FAM228A: variants seen among roughly 807,000 people sequenced by gnomAD.
The protein encoded by FAM228A is family with sequence similarity 228 member A, also known as protein FAM228A.
FAM228A carries 13 observed loss-of-function variants against 18.6 expected under a neutral mutation model. The ratio of observed to expected loss-of-function variants is 0.70; its 90% CI spans 0.45 to 1.11. The LOEUF (loss-of-function observed/expected upper bound fraction) is 1.11. Ranked by LOEUF, FAM228A falls within the 50% of genes least tolerant of loss-of-function variation. FAM228A has a pLI of 0.00. For synonymous variants in FAM228A, 77 were observed against 86.6 expected, an observed-to-expected ratio of 0.89 and a Z score of 0.61; for missense variants, 240 against 242.2, an observed-to-expected ratio of 0.99 and a Z score of 0.06.
chr2:24,186,342 T>A (rs191246535), intron 5 of FAM228A, among the ~76,000 whole-genome samples: 1 of 152,330 alleles, frequency 6.6e-6, no homozygotes, highest in African/African-American at 2.4e-5. Context: ...TTTCTTGTTT[T>A]CCATTCCTTA....
chr2:24,184,935 G>T (rs1374832566), intron 5 of FAM228A, among the ~76,000 whole-genome samples: 2 of 150,700 alleles, frequency 1.3e-5, no homozygotes, highest in African/African-American at 4.9e-5. Flanking sequence ...TGATTCTCCT[G>T]CCTCAGCCTC....
At chr2:24,177,563 T>TG (rs199984527) in intron 2 of FAM228A, among the ~76,000 whole-genome samples, 1,663 of 151,754 alleles carry the variant, frequency 0.011, 28 homozygotes, top group African/African-American at 0.038. Context: ...ATAGTCTGGG[T>TG]GGGGGGGTGC....
intron 3 of FAM228A, chr2:24,179,073 T>C (rs1310743444): frequency 2.3e-6 from 2 of 861,250 alleles, no homozygotes; most frequent in Non-Finnish European, 2.9e-6. Context: ...GAAACATTTC[T>C]TTATAATTTA....
Position 24,177,875 on chromosome 2 carries a change from G to A in FAM228A, c.162+5G>A, listed in dbSNP as rs115212978. 34,643 of 1,593,388 alleles carry A rather than the reference G, an allele frequency of 0.022. 460 individuals carry two copies. Among genetic ancestry groups the A allele is most frequent in the Non-Finnish European group, 0.026 (30,298 of 1,163,462 alleles). ...AAAGAAAATTCCATTGTGAAGGTAA[G>A]AGTTGGCTCCACGCTGCATTCTACA... On this transcript the variant is annotated splice_donor_5th_base_variant and intron_variant, in intron 3 of 5. Coordinates refer to ENST00000295150, the MANE Select transcript of FAM228A (RefSeq NM_001040710.3).
At chr2:24,190,300 G>C in intron 5 of FAM228A, 112 bp from the exon 6 acceptor site, 7 of 1,308,122 alleles carry the variant, frequency 5.4e-6, no homozygotes, top group Non-Finnish European at 7.2e-6. Context: ...CTGGTCAGTC[G>C]TTCCTTCTCA....
intron 2 of FAM228A, chr2:24,176,181 A>T: frequency 1.0e-6 from 1 of 984,622 alleles, no homozygotes; most frequent in African/African-American, 1.7e-5. Flanking sequence ...AATGTACATA[A>T]CATTTGTTAA....
At chr2:24,186,310 T>C (rs1044154144) in intron 5 of FAM228A, among the ~76,000 whole-genome samples, 2 of 152,204 alleles carry the variant, frequency 1.3e-5, no homozygotes, top group Non-Finnish European at 2.9e-5. Context: ...CACAATATTA[T>C]CTTCTAATAA....
At chr2:24,182,813 A>G (rs551018761) in intron 3 of FAM228A, among the ~76,000 whole-genome samples, 5 of 152,226 alleles carry the variant, frequency 3.3e-5, no homozygotes, top group Admixed American at 6.5e-5. Flanking sequence ...GGCTGATGCA[A>G]TGACACAGTA....
intron 5 of FAM228A, among the ~76,000 whole-genome samples, chr2:24,187,962 T>G (rs1044997856): frequency 7.9e-5 from 12 of 152,310 alleles, no homozygotes; most frequent in African/African-American, 2.2e-4. Flanking sequence ...TTCATGGGTC[T>G]TCTTGAATCT....
intron 1 of FAM228A, 87 bp from the exon 2 acceptor site, chr2:24,175,380 C>A: frequency 1.1e-6 from 1 of 941,258 alleles, no homozygotes; most frequent in Non-Finnish European, 1.7e-6. Context: ...AGGGGCCGAG[C>A]GGGATTTGAA....
chr2:24,191,533 ATG>A lies in FAM228A; in HGVS notation c.*904_*905del. ...TCCATGTATTTTTCAAATATTCAAG[ATG>A]TACAACGTGATGATTTGCTATAGGT... On this transcript the variant is annotated 3_prime_UTR_variant, in exon 6 of 6. Coordinates refer to ENST00000295150, the MANE Select transcript of FAM228A (RefSeq NM_001040710.3). 1.0e-6 allele frequency: 1 copy of A among 972,132 alleles called. No homozygotes were observed. Among genetic ancestry groups the A allele is most frequent in the African/African-American group, 1.7e-5 (1 of 57,156 alleles). The allele number at this position is 972,132 out of a possible 1,614,324, so 60.2% of individuals were successfully genotyped here.
Position 24,179,206 on chromosome 2 carries a change from TCAG to T in FAM228A, c.162+1340_162+1342del, listed in dbSNP as rs751778706. The T allele has an allele frequency of 1.4e-3, 1,477 of 1,086,820 alleles. 2 individuals are homozygous for T. Among genetic ancestry groups the T allele is most frequent in the South Asian group, 1.6e-3 (94 of 57,412 alleles). The allele number at this position is 1,086,820 out of a possible 1,614,324, so 67.3% of individuals were successfully genotyped here. On this transcript the variant is annotated intron_variant, in intron 3 of 5. Transcript: ENST00000295150. ...GGGTTGAAAATGTTGCAGAGCCTCT[TCAG>T]CAGAGAATTATGGAAAAAGTAATTT...
At chr2:24,179,192 G>T (rs1216256430) in intron 3 of FAM228A, 2 of 1,145,136 alleles carry the variant, frequency 1.7e-6, no homozygotes, top group African/African-American at 3.3e-5. Context: ...GGTTGAAAAT[G>T]TTGCAGAGCC....
intron 3 of FAM228A, among the ~76,000 whole-genome samples, chr2:24,183,083 G>A (rs1667852913): frequency 6.6e-6 from 1 of 152,032 alleles, no homozygotes; most frequent in South Asian, 2.1e-4. Context: ...AGGTTGGGGT[G>A]CTGAGGTTGG....
At chr2:24,184,099 GC>G (rs1423425543) in intron 5 of FAM228A, among the ~76,000 whole-genome samples, 2 of 152,234 alleles carry the variant, frequency 1.3e-5, no homozygotes, top group Non-Finnish European at 2.9e-5. Flanking sequence ...TAGTTTACAG[GC>G]CGGGCACGGT....
Position 24,190,605 on chromosome 2 carries a change from G to A in FAM228A, c.595G>A (p.Glu199Lys), listed in dbSNP as rs548486197. The A allele has an allele frequency of 1.5e-5, 24 of 1,588,816 alleles. No homozygotes were observed. The highest frequency in any genetic ancestry group is 8.1e-5 in the South Asian group (7 of 86,872). Residue 199 changes from glutamate to lysine, a missense_variant, in exon 6 of 6, where the codon GAG becomes AAG. Physicochemically the swap from Glu to Lys is moderately conservative, Grantham distance 56. Transcript: ENST00000295150. ...GWHAGLCSTH[E>K]QHILVPE ...GCATGCAGGGCTTTGCAGCACCCAC[G>A]AGCAGCACATACTGGTTCCAGAATG...
chr2:24,175,870 C>T (rs991938837), intron 2 of FAM228A: 11 of 1,124,548 alleles, frequency 9.8e-6, no homozygotes, highest in Non-Finnish European at 9.9e-6. Context: ...CTGCATACTT[C>T]AGCGTCTGGT....
intron 3 of FAM228A, among the ~76,000 whole-genome samples, chr2:24,182,715 C>A (rs1056491469): frequency 2.6e-5 from 4 of 152,138 alleles, no homozygotes; most frequent in Non-Finnish European, 5.9e-5. Context: ...TGGATTGTCA[C>A]TGGATGACTA....
In FAM228A at chr2:24,191,609, A is replaced by G; in HGVS notation, c.*978A>G. Reference sequence around the variant, plus strand: ...AGTCAAGCTTGTTGACATACCCACCAGCTCACATTTACTGTTTTCGTGTGT... The same window carrying G: ...AGTCAAGCTTGTTGACATACCCACCGGCTCACATTTACTGTTTTCGTGTGT... On this transcript the variant is annotated 3_prime_UTR_variant, in exon 6 of 6. Transcript: ENST00000295150. 1.9e-6 allele frequency: 1 copy of G among 513,186 alleles called. No homozygotes were observed. The highest frequency in any genetic ancestry group is 2.5e-6 in the Non-Finnish European group (1 of 398,018). The allele number at this position is 513,186 out of a possible 1,614,324, so 31.8% of individuals were successfully genotyped here.
Sources: gnomAD v4.1 joint callset for allele counts (sites outside exome capture counted in the v4.1 genomes callset) on GRCh38, gnomAD v4.1.1 for gene constraint, MANE v1.5 for transcripts, NCBI Gene and HGNC (gene_info 2026-07-23, HGNC 2026-07-21) for gene names.